Variants in PAPPA2 observed in about 807,000 individuals in gnomAD.
PAPPA2 encodes pappalysin 2, also known as pappalysin-2.
In PAPPA2, 86 loss-of-function variants were observed where a neutral mutation model predicts 176.4. That is an observed-to-expected ratio of 0.49 (90% CI 0.41 to 0.58). PAPPA2 has a LOEUF of 0.58. Among genes scored for constraint, PAPPA2 ranks in the 20% least tolerant of loss-of-function variants. The pLI is 0.00. For synonymous variants in PAPPA2, 809 were observed against 852.2 expected, an observed-to-expected ratio of 0.95 and a Z score of 0.88; for missense variants, 2,073 against 2,256.9, an observed-to-expected ratio of 0.92 and a Z score of 1.65.
intron 2 of PAPPA2, among the ~76,000 whole-genome samples, chr1:176,566,303 G>C (rs1162161490): frequency 6.6e-6 from 1 of 152,092 alleles, no homozygotes; most frequent in Non-Finnish European, 1.5e-5. Context: ...TCCAGGCAGT[G>C]GTGTAGAGGG....
rs201111080 is a variant in PAPPA2 at position 176,670,971 on chromosome 1, G to A, written c.1993G>A (p.Ala665Thr). 1 of 1,613,698 alleles carries A rather than the reference G, an allele frequency of 6.2e-7. No homozygotes were observed. The highest frequency in any genetic ancestry group is 8.5e-7 in the Non-Finnish European group (1 of 1,179,770). Reference protein sequence around the residue: ...TCFDPDSPKRAYMSVKELKEA... With the variant: ...TCFDPDSPKRTYMSVKELKEA... Reference sequence around the variant, plus strand: ...TTTTTCATCTTGCATGCTCTCTAGGGCATACATGAGTGTGAAGGAGCTGAA... The same window carrying A: ...TTTTTCATCTTGCATGCTCTCTAGGACATACATGAGTGTGAAGGAGCTGAA... Residue 665 changes from alanine to threonine, a missense_variant and splice_region_variant, in exon 4 of 23, where the codon GCA becomes ACA. Physicochemically the swap from Ala to Thr is moderately conservative, Grantham distance 58. This residue lies in a region of PAPPA2 where 1,196 missense variants were observed against 1,330.4 expected (regional missense o/e 0.90). Coordinates refer to ENST00000367662, the MANE Select transcript of PAPPA2 (RefSeq NM_020318.3).
In PAPPA2 at chr1:176,633,668, A is replaced by C. The variant is rs1375778762; in HGVS notation, c.1992-37302A>C. ...ATCAGAGTGAACAGGCAACCTACAG[A>C]ATGGGAGAAAATTTTTGCAATCTAC... On this transcript the variant is annotated intron_variant, in intron 3 of 22. Coordinates refer to ENST00000367662, the MANE Select transcript of PAPPA2 (RefSeq NM_020318.3). 2.0e-5 allele frequency among the ~76,000 whole-genome samples: 3 copies of C among 152,208 alleles called. No individual in the cohort carries two copies. In the East Asian group the frequency reaches 5.8e-4, roughly 29 times the overall value.
chr1:176,790,777 A>G (rs1665141151), intron 18 of PAPPA2, among the ~76,000 whole-genome samples: 1 of 152,346 alleles, frequency 6.6e-6, no homozygotes, highest in South Asian at 2.1e-4. Context: ...TATGTTCTAG[A>G]TAGAGTATAA....
chr1:176,505,534 G>A (rs918638258), intron 1 of PAPPA2, among the ~76,000 whole-genome samples: 7 of 151,994 alleles, frequency 4.6e-5, no homozygotes, highest in African/African-American at 1.7e-4. Flanking sequence ...GTTCAAAGAA[G>A]GATTCTCAAG....
chr1:176,616,546 CA>C, intron 3 of PAPPA2: 1 of 1,369,998 alleles, frequency 7.3e-7, no homozygotes, highest in Admixed American at 1.9e-5. Flanking sequence ...AACCAATCAG[CA>C]ACAATCTGGT....
intron 14 of PAPPA2, among the ~76,000 whole-genome samples, chr1:176,753,552 TC>T (rs1434304393): frequency 6.4e-5 from 8 of 124,830 alleles, no homozygotes; most frequent in Admixed American, 8.0e-5. Context: ...TGAAGGCTCC[TC>T]CTTTTTTTTT....
intron 21 of PAPPA2, among the ~76,000 whole-genome samples, chr1:176,807,771 C>T (rs1222412689): frequency 6.6e-6 from 1 of 152,136 alleles, no homozygotes; most frequent in African/African-American, 2.4e-5. Flanking sequence ...GCTGGGATTA[C>T]AGGCGTGAGC....
chr1:176,605,627 A>G (rs1355020830), intron 3 of PAPPA2, among the ~76,000 whole-genome samples: 1 of 152,206 alleles, frequency 6.6e-6, no homozygotes, highest in African/African-American at 2.4e-5. Context: ...CAGTTGCCAC[A>G]GTTTCTCATA....
chr1:176,720,413 C>T (rs1661565827), intron 12 of PAPPA2, among the ~76,000 whole-genome samples: 1 of 151,864 alleles, frequency 6.6e-6, no homozygotes, highest in African/African-American at 2.4e-5. Context: ...ATATAAAATT[C>T]TCTGTTTTCT....
intron 12 of PAPPA2, among the ~76,000 whole-genome samples, chr1:176,712,634 T>C (rs1236101806): frequency 6.6e-6 from 1 of 152,214 alleles, no homozygotes; most frequent in African/African-American, 2.4e-5. Context: ...TATTATGCTA[T>C]TACAAGTCAT....
At chr1:176,663,444 T>C (rs980575645) in intron 3 of PAPPA2, among the ~76,000 whole-genome samples, 2 of 152,070 alleles carry the variant, frequency 1.3e-5, no homozygotes, top group Admixed American at 6.6e-5. Flanking sequence ...TCTGGCTAAG[T>C]AGAGATTTGA....
intron 14 of PAPPA2, among the ~76,000 whole-genome samples, chr1:176,757,302 A>G (rs1358441786): frequency 2.6e-5 from 4 of 152,196 alleles, no homozygotes; most frequent in Non-Finnish European, 5.9e-5. Context: ...ACAATGGTTA[A>G]ACTAATTTCC....
chr1:176,760,138 A>C (rs890116935), intron 14 of PAPPA2, among the ~76,000 whole-genome samples: 25 of 152,234 alleles, frequency 1.6e-4, no homozygotes, highest in Non-Finnish European at 3.2e-4. Flanking sequence ...ATTTTCATTA[A>C]AGTCAAATCA....
chr1:176,580,476 T>G (rs1652899992), intron 2 of PAPPA2, among the ~76,000 whole-genome samples: 1 of 152,224 alleles, frequency 6.6e-6, no homozygotes, highest in Non-Finnish European at 1.5e-5. Flanking sequence ...CATACTGATT[T>G]CCTTTGCTTT....
chr1:176,572,137 C>A (rs982178132), intron 2 of PAPPA2, among the ~76,000 whole-genome samples: 2 of 152,196 alleles, frequency 1.3e-5, no homozygotes, highest in African/African-American at 4.8e-5. Flanking sequence ...TACTTGGCTC[C>A]TAATTTGGTG....
rs765026167 is a variant in PAPPA2 at position 176,674,734 on chromosome 1, G to GTTTTTT, written c.2137+3629_2137+3634dup. ...TGCTGCTATAAACATGTGTGCAAGT[G>GTTTTTT]TTTTTTTTTTTTTTTCTTTTCTCCA... On this transcript the variant is annotated intron_variant, in intron 4 of 22. Transcript: ENST00000367662. 2.0e-3 allele frequency among the ~76,000 whole-genome samples: 275 copies of GTTTTTT among 137,260 alleles called. 1 individual carries two copies. Among genetic ancestry groups the GTTTTTT allele is most frequent in the African/African-American group, 4.7e-3 (175 of 37,364 alleles). The allele number at this position is 137,260 out of a possible 152,430, so 90.0% of individuals were successfully genotyped here.
chr1:176,733,905 C>G (rs1476168458), intron 12 of PAPPA2, among the ~76,000 whole-genome samples: 2 of 152,010 alleles, frequency 1.3e-5, no homozygotes, highest in Admixed American at 6.6e-5. Context: ...CTGGGATGGC[C>G]CTTCAGAGTT....
At chr1:176,643,454 A>G (rs1442206310) in intron 3 of PAPPA2, among the ~76,000 whole-genome samples, 3 of 151,408 alleles carry the variant, frequency 2.0e-5, no homozygotes, top group Non-Finnish European at 4.4e-5. Flanking sequence ...AAATGTAAAA[A>G]CCATTCTTTG....
intron 17 of PAPPA2, among the ~76,000 whole-genome samples, chr1:176,785,661 C>T (rs901802754): frequency 2.0e-5 from 3 of 152,078 alleles, no homozygotes; most frequent in African/African-American, 7.2e-5. Flanking sequence ...CTAGCCATCC[C>T]CCTCCTTGTG....
Sources: allele counts gnomAD v4.1 joint callset (sites outside exome capture counted in the v4.1 genomes callset), GRCh38; gene constraint gnomAD v4.1.1; regional missense constraint gnomAD v4.1.1; transcripts MANE v1.5; gene names NCBI Gene and HGNC (gene_info 2026-07-23, HGNC 2026-07-21).